FAM184B: variants seen among roughly 807,000 people sequenced by gnomAD.
FAM184B encodes the protein protein FAM184B.
In FAM184B, 111 loss-of-function variants were observed where a neutral mutation model predicts 135.9. The ratio of observed to expected loss-of-function variants is 0.82; its 90% confidence interval spans 0.70 to 0.96. The LOEUF (loss-of-function observed/expected upper bound fraction) is 0.96. Among genes scored for constraint, FAM184B ranks in the 40% least tolerant of loss-of-function variants. The pLI, the probability that FAM184B is intolerant of heterozygous loss-of-function variation, is 0.00. For missense variants in FAM184B, 1,375 were observed against 1,323.9 expected (o/e 1.04, Z -0.60); for synonymous variants, 552 against 524.8 (o/e 1.05, Z -0.71).
Position 17,781,311 on chromosome 4 carries a change from G to A in FAM184B, c.-12C>T. On this transcript the variant is annotated 5_prime_UTR_variant, in exon 1 of 18. Coordinates refer to ENST00000265018, the MANE Select transcript of FAM184B (RefSeq NM_015688.2). The surrounding 1 kb of genome is among the most constrained non-coding windows in gnomAD (Gnocchi z 6.5). ...AGAGCAGAAGCCATCGCTAAAACGC[G>A]CCCAGCACTCAGACTCTCTCGTTTT... 6.6e-7 allele frequency: 1 copy of A among 1,523,722 alleles called. No homozygotes were observed. The allele number at this position is 1,523,722 out of a possible 1,614,324, so 94.4% of individuals were successfully genotyped here. A position where few individuals can be genotyped will look rare whatever the true frequency, so the allele number is the denominator to read the frequency against.
intron 11 of FAM184B, among the ~76,000 whole-genome samples, chr4:17,651,395 G>T (rs371069366): frequency 6.6e-6 from 1 of 151,752 alleles, no homozygotes; most frequent in African/African-American, 2.4e-5. Flanking sequence ...AAAATTAGCC[G>T]GGCGTGGTGG....
At chr4:17,672,351 C>G (rs764329446) in intron 7 of FAM184B, among the ~76,000 whole-genome samples, 1 of 152,096 alleles carries the variant, frequency 6.6e-6, no homozygotes, top group Non-Finnish European at 1.5e-5. Context: ...TTTGGATGCC[C>G]TTTATTTCTT....
chr4:17,693,515 G>A (rs1361577249), intron 5 of FAM184B, 103 bp from the exon 6 acceptor site: 10 of 828,442 alleles, frequency 1.2e-5, no homozygotes, highest in Non-Finnish European at 1.9e-5. Context: ...GCTTATGAGT[G>A]TCATACAACA....
chr4:17,711,434 C>T (rs1000278309), intron 1 of FAM184B, among the ~76,000 whole-genome samples: 4 of 152,006 alleles, frequency 2.6e-5, no homozygotes, highest in East Asian at 1.9e-4. Flanking sequence ...GCAGAGATTG[C>T]GCCACTGCAC....
At chr4:17,778,275 A>G (rs1032554762) in intron 1 of FAM184B, among the ~76,000 whole-genome samples, 6 of 152,246 alleles carry the variant, frequency 3.9e-5, no homozygotes, top group Non-Finnish European at 7.3e-5. Flanking sequence ...GTACCAGAAG[A>G]CAGTGGAGTA....
intron 8 of FAM184B, among the ~76,000 whole-genome samples, chr4:17,663,012 T>C (rs1715955430): frequency 6.6e-6 from 1 of 152,220 alleles, no homozygotes; most frequent in African/African-American, 2.4e-5. Flanking sequence ...CACGGCTTGC[T>C]GCTGCCTCAA....
At chr4:17,649,577 C>T (rs1238826105) in intron 11 of FAM184B, among the ~76,000 whole-genome samples, 1 of 99,120 alleles carries the variant, frequency 1.0e-5, no homozygotes, top group Non-Finnish European at 2.2e-5. Context: ...AAGCAAGACT[C>T]CATCTCAAAA....
intron 15 of FAM184B, 53 bp from the exon 16 acceptor site, chr4:17,635,166 T>C (rs1715088708): frequency 7.1e-7 from 1 of 1,414,448 alleles, no homozygotes; most frequent in South Asian, 1.2e-5. Flanking sequence ...CAGCACTGGG[T>C]TTGACTTGAA....
At chr4:17,744,490 C>CACACACCA (rs1553841920) in intron 1 of FAM184B, among the ~76,000 whole-genome samples, 6 of 137,480 alleles carry the variant, frequency 4.4e-5, no homozygotes, top group South Asian at 4.6e-4. Flanking sequence ...CACACACACA[C>CACACACCA]CACACACACA....
intron 1 of FAM184B, among the ~76,000 whole-genome samples, chr4:17,758,589 C>T (rs945695498): frequency 1.3e-5 from 2 of 152,152 alleles, no homozygotes; most frequent in African/African-American, 4.8e-5. Flanking sequence ...ACCTCTAGTG[C>T]CCATTGAAAC....
rs1216848102 is a variant in FAM184B at position 17,633,757 on chromosome 4, C to G, written c.3021G>C (p.Leu1007Phe). ...NAPPITTSPS[L>F]DPSPSCGRTY... ...TCCGGCCACAGCTGGGGCTTGGGTCCAAGCTGGGTGATGTAGTTATTGGAG... is the reference window on the plus strand; with the variant it reads ...TCCGGCCACAGCTGGGGCTTGGGTCGAAGCTGGGTGATGTAGTTATTGGAG... Residue 1007 changes from leucine to phenylalanine, a missense_variant, in exon 17 of 18, where the codon TTG becomes TTC. By Grantham distance (22) the Leu-to-Phe change is conservative. Coordinates refer to ENST00000265018, the MANE Select transcript of FAM184B (RefSeq NM_015688.2). 1 of 1,551,214 alleles carries G rather than the reference C, an allele frequency of 6.4e-7. No individual in the cohort carries two copies.
At position 17,631,781 on chromosome 4, in the gene FAM184B, A is replaced by G. The variant is rs1714951646; in HGVS notation, c.*751T>C. 5 of 152,094 alleles carry G rather than the reference A, an allele frequency of 3.3e-5. No homozygotes were observed. The highest frequency in any genetic ancestry group is 2.6e-4 in the Admixed American group (4 of 15,264). The allele number at this position is 152,094 out of a possible 1,614,324, so 9.4% of individuals were successfully genotyped here. A position where few individuals can be genotyped will look rare whatever the true frequency, so the allele number is the denominator to read the frequency against. Reference sequence around the variant, plus strand: ...TGTTTTTAGTTGGCTTTCCTGTTTAACTGTTATTTGTCTTCCTATTGAGGT... The same window carrying G: ...TGTTTTTAGTTGGCTTTCCTGTTTAGCTGTTATTTGTCTTCCTATTGAGGT... On this transcript the variant is annotated 3_prime_UTR_variant, in exon 18 of 18. Coordinates refer to ENST00000265018, the MANE Select transcript of FAM184B (RefSeq NM_015688.2).
chr4:17,731,823 C>T, intron 1 of FAM184B, among the ~76,000 whole-genome samples: 1 of 152,160 alleles, frequency 6.6e-6, no homozygotes, highest in Middle Eastern at 3.2e-3. Context: ...CTCAGCTCTG[C>T]AGCAAGTGGA....
At chr4:17,672,696 G>A (rs1716206846) in intron 7 of FAM184B, among the ~76,000 whole-genome samples, 1 of 152,044 alleles carries the variant, frequency 6.6e-6, no homozygotes, top group African/African-American at 2.4e-5. Context: ...ACTTGCATAG[G>A]TTAAACCATC....
chr4:17,770,505 G>T (rs554127566), intron 1 of FAM184B, among the ~76,000 whole-genome samples: 5 of 152,104 alleles, frequency 3.3e-5, no homozygotes, highest in African/African-American at 1.2e-4. Context: ...ACTCTGCCAC[G>T]CAGGCTGGAG....
chr4:17,735,842 C>T (rs535439980), intron 1 of FAM184B, among the ~76,000 whole-genome samples: 2 of 152,346 alleles, frequency 1.3e-5, no homozygotes, highest in African/African-American at 2.4e-5. Context: ...TACACCTACA[C>T]ACAGTGCCAA....
rs117878533 is a variant in FAM184B, at chr4:17,657,493, G to A, written c.2037+857C>T. 4.6e-5 allele frequency among the ~76,000 whole-genome samples: 7 copies of A among 152,188 alleles called. 1 individual carries two copies. The East Asian group carries it at 9.7e-4, about 21-fold the overall frequency. ...ACCTCTTCAAGGAACTGCTTAAGAC[G>A]GCAGGAAGGGAACACCCTCTGAGAA... On this transcript the variant is annotated intron_variant, in intron 10 of 17. Transcript: ENST00000265018.
intron 1 of FAM184B, among the ~76,000 whole-genome samples, chr4:17,751,682 G>A (rs961659107): frequency 6.6e-6 from 1 of 152,014 alleles, no homozygotes; most frequent in Non-Finnish European, 1.5e-5. Context: ...CAACATCCAC[G>A]TTTAAGCAAT....
intron 10 of FAM184B, among the ~76,000 whole-genome samples, chr4:17,653,879 T>G (rs1488509733): frequency 7.3e-5 from 1 of 13,668 alleles, no homozygotes; most frequent in Non-Finnish European, 1.3e-4. Context: ...CGTAGGAGGC[T>G]CAGTGAGAAA....
Sources: gnomAD v4.1 joint callset for allele counts (sites outside exome capture counted in the v4.1 genomes callset) on GRCh38, gnomAD v4.1.1 for gene constraint, Gnocchi (gnomAD v3.1) non-coding constraint, MANE v1.5 for transcripts, NCBI Gene and HGNC (gene_info 2026-07-23, HGNC 2026-07-21) for gene names.